The following SCARA5 variants were observed in gnomAD, a reference collection of about 807,000 sequenced individuals.
The protein encoded by SCARA5 is scavenger receptor class A, member 5 (putative).
A neutral mutation model predicts 46.3 loss-of-function variants in SCARA5; 45 were observed. That is an observed-to-expected ratio of 0.97 (90% CI 0.76 to 1.24). The LOEUF is 1.24. Ranked by LOEUF, SCARA5 falls within the 50% of genes most tolerant of loss-of-function variation. The pLI is 0.00. For missense variants in SCARA5, 680 were observed against 689.0 expected (o/e 0.99, Z 0.15); for synonymous variants, 333 against 306.5 (o/e 1.09, Z -0.90).
chr8:27,944,031 T>A (rs189112730), intron 3 of SCARA5, among the ~76,000 whole-genome samples: 5 of 152,314 alleles, frequency 3.3e-5, no homozygotes, highest in Middle Eastern at 3.4e-3. Flanking sequence ...CCAAGAAGGT[T>A]TAACCTACGT....
chr8:27,987,532 G>T lies in SCARA5; in HGVS notation c.84C>A (p.Ser28Arg), dbSNP rs1461748712. Reference protein sequence around the residue: ...SICEDSFDGRSLSKLNLCEDG... With the variant: ...SICEDSFDGRRLSKLNLCEDG... ...CCTCACACAGGTTCAGCTTGGACAG[G>T]CTCCTGCCATCAAAGGAATCCTCAC... Residue 28 changes from serine to arginine, a missense_variant, in exon 2 of 9, where the codon AGC becomes AGA. Physicochemically the swap from Ser to Arg is moderately radical, Grantham distance 110. Coordinates refer to ENST00000354914, the MANE Select transcript of SCARA5 (RefSeq NM_173833.6). 3 of 1,613,602 alleles carry T rather than the reference G, an allele frequency of 1.9e-6. No homozygotes were observed. The highest frequency in any genetic ancestry group is 1.7e-6 in the Non-Finnish European group (2 of 1,179,686).
chr8:27,961,277 G>A (rs1326891998), intron 3 of SCARA5, among the ~76,000 whole-genome samples: 2 of 152,132 alleles, frequency 1.3e-5, no homozygotes, highest in Non-Finnish European at 2.9e-5. Context: ...TCCCCCTCAT[G>A]GTAATGAGTG....
chr8:27,949,123 GCTTCAGGGGACC>G (rs1808083588), intron 3 of SCARA5, among the ~76,000 whole-genome samples: 1 of 152,226 alleles, frequency 6.6e-6, no homozygotes, highest in South Asian at 2.1e-4. Flanking sequence ...AGAACAGTGA[GCTTCAGGGGACC>G]TGAGGCCCAG....
At chr8:27,925,149 C>T (rs201593764) in intron 3 of SCARA5, among the ~76,000 whole-genome samples, 1 of 152,146 alleles carries the variant, frequency 6.6e-6, no homozygotes, top group Admixed American at 6.5e-5. Context: ...TTAAAGTTCA[C>T]ATGGAACCAA....
At chr8:27,975,274 C>T (rs533261648) in intron 2 of SCARA5, among the ~76,000 whole-genome samples, 4 of 152,316 alleles carry the variant, frequency 2.6e-5, no homozygotes, top group African/African-American at 9.6e-5. Context: ...CTGCACCCCT[C>T]CTCCCAGACC....
intron 7 of SCARA5, among the ~76,000 whole-genome samples, chr8:27,881,647 C>A (rs1050941109): frequency 6.6e-6 from 1 of 152,126 alleles, no homozygotes; most frequent in Non-Finnish European, 1.5e-5. Context: ...AGGTAATAAA[C>A]CTGCACATGT....
chr8:27,947,453 C>T (rs1468050384), intron 3 of SCARA5, among the ~76,000 whole-genome samples: 2 of 149,852 alleles, frequency 1.3e-5, no homozygotes, highest in Admixed American at 1.4e-4. Flanking sequence ...TTATTCACAG[C>T]AGCCGAAAGA....
At chr8:27,891,210 GTT>G (rs34929949) in intron 7 of SCARA5, among the ~76,000 whole-genome samples, 8 of 66,014 alleles carry the variant, frequency 1.2e-4, no homozygotes, top group East Asian at 8.4e-4. Context: ...TTTTTTTTTT[GTT>G]TTTTTTTTTA....
intron 2 of SCARA5, among the ~76,000 whole-genome samples, chr8:27,972,460 T>G (rs764211474): frequency 2.6e-5 from 4 of 152,220 alleles, no homozygotes; most frequent in African/African-American, 9.6e-5. Flanking sequence ...ACACTGACTT[T>G]AATGAAAGTA....
At chr8:27,953,310 C>T (rs77656807) in intron 3 of SCARA5, among the ~76,000 whole-genome samples, 1,612 of 152,308 alleles carry the variant, frequency 0.011, 25 homozygotes, top group African/African-American at 0.035. Context: ...ACGGAGGATG[C>T]GGTGGGCCAC....
At position 27,934,002 on chromosome 8, in the gene SCARA5, G is replaced by A. The variant is rs986072592; in HGVS notation, c.242-11757C>T. Among the ~76,000 whole-genome samples, 12 of 152,180 alleles carry A rather than the reference G, an allele frequency of 7.9e-5. 1 individual carries two copies. Among genetic ancestry groups the A allele is most frequent in the African/African-American group, 2.7e-4 (11 of 41,446 alleles). Reference sequence around the variant, plus strand: ...CTAGTATGCTCTGTTGTGGGATGGTGGAAGAATTTTCTCATTTCATTTGGA... The same window carrying A: ...CTAGTATGCTCTGTTGTGGGATGGTAGAAGAATTTTCTCATTTCATTTGGA... On this transcript the variant is annotated intron_variant, in intron 3 of 8. Transcript: ENST00000354914.
chr8:27,930,527 G>A (rs1032028042), intron 3 of SCARA5, among the ~76,000 whole-genome samples: 14 of 151,754 alleles, frequency 9.2e-5, no homozygotes, highest in Admixed American at 1.3e-4. Flanking sequence ...CTCAGCCTCC[G>A]GAGTAGCTGG....
intron 3 of SCARA5, among the ~76,000 whole-genome samples, chr8:27,930,315 CTT>C (rs1312543915): frequency 6.6e-6 from 1 of 151,994 alleles, no homozygotes; most frequent in African/African-American, 2.4e-5. Flanking sequence ...CACAACTTCT[CTT>C]GTCTGCTGCC....
At chr8:27,914,156 C>A (rs1463769836) in intron 4 of SCARA5, among the ~76,000 whole-genome samples, 1 of 152,230 alleles carries the variant, frequency 6.6e-6, no homozygotes, top group East Asian at 1.9e-4. Context: ...TCTGCACACA[C>A]TCTCTTGCCT....
At chr8:27,930,111 AC>A (rs1429260640) in intron 3 of SCARA5, among the ~76,000 whole-genome samples, 6 of 152,258 alleles carry the variant, frequency 3.9e-5, no homozygotes, top group African/African-American at 1.4e-4. Flanking sequence ...CAATTCAGTA[AC>A]TAGCTTGATA....
Position 27,905,532 on chromosome 8 carries a change from GAAAA to G in SCARA5, c.1097-702_1097-699del, listed in dbSNP as rs869237451. On this transcript the variant is annotated intron_variant, in intron 6 of 8. Transcript: ENST00000354914. ...AGGATGATCCAAGATTTGGGGGGGG[GAAAA>G]AAAAAAGGCAGCCATATACATATAT... 1.4e-4 allele frequency among the ~76,000 whole-genome samples: 6 copies of G among 41,554 alleles called. 1 individual carries two copies. The highest frequency in any genetic ancestry group is 2.2e-4 in the African/African-American group (4 of 18,198). The allele number at this position is 41,554 out of a possible 152,430, so 27.3% of individuals were successfully genotyped here. A position where few individuals can be genotyped will look rare whatever the true frequency, so the allele number is the denominator to read the frequency against.
intron 7 of SCARA5, among the ~76,000 whole-genome samples, chr8:27,898,075 TACA>T (rs1385095537): frequency 3.3e-5 from 5 of 152,224 alleles, no homozygotes; most frequent in Admixed American, 6.5e-5. Context: ...ATGAAAGTAA[TACA>T]ACGAGCTCAG....
intron 3 of SCARA5, among the ~76,000 whole-genome samples, chr8:27,952,728 A>G (rs901008062): frequency 2.0e-5 from 3 of 152,254 alleles, no homozygotes; most frequent in African/African-American, 7.2e-5. Flanking sequence ...TAAGGAAATT[A>G]TTGGCCGTAT....
chr8:27,904,537 C>A, intron 7 of SCARA5: 1 of 588,578 alleles, frequency 1.7e-6, no homozygotes, highest in South Asian at 2.3e-5. Flanking sequence ...GGGGAAGCCT[C>A]CAGATCCATG....
Sources: allele counts gnomAD v4.1 joint callset (sites outside exome capture counted in the v4.1 genomes callset), GRCh38; gene constraint gnomAD v4.1.1; transcripts MANE v1.5; gene names NCBI Gene and HGNC (gene_info 2026-07-23, HGNC 2026-07-21).